The following BMPR1B variants were observed in gnomAD, a reference collection of about 807,000 sequenced individuals.
BMPR1B encodes the protein bone morphogenetic protein receptor type-1B.
In BMPR1B, 12 loss-of-function variants were observed where a neutral mutation model predicts 59.1. That is an observed-to-expected ratio of 0.20 (90% confidence interval 0.13 to 0.33). BMPR1B has a LOEUF of 0.33. Among genes scored for constraint, BMPR1B ranks in the 10% least tolerant of loss-of-function variants. BMPR1B has a pLI of 1.00. For synonymous variants in BMPR1B, 237 were observed against 207.3 expected, an observed-to-expected ratio of 1.14 and a Z score of -1.23; for missense variants, 550 against 610.9, an observed-to-expected ratio of 0.90 and a Z score of 1.05.
intron 3 of BMPR1B, among the ~76,000 whole-genome samples, chr4:95,014,758 T>C (rs912737211): frequency 6.6e-5 from 10 of 152,200 alleles, no homozygotes; most frequent in African/African-American, 2.4e-4. Context: ...ATTTTTACTA[T>C]GAGGGTTAAT....
chr4:95,060,549 G>A (rs1425541030), intron 3 of BMPR1B, among the ~76,000 whole-genome samples: 5 of 152,200 alleles, frequency 3.3e-5, no homozygotes, highest in South Asian at 2.1e-4. Context: ...CTGCAAGAGT[G>A]AAATGAAGTA....
intron 3 of BMPR1B, among the ~76,000 whole-genome samples, chr4:95,034,037 C>T (rs1391278706): frequency 1.3e-5 from 2 of 152,052 alleles, no homozygotes; most frequent in East Asian, 3.9e-4. Context: ...AGACATCAAC[C>T]ATGATTAATT....
At chr4:94,776,785 G>A (rs62316516) in intron 1 of BMPR1B, among the ~76,000 whole-genome samples, 251 of 152,080 alleles carry the variant, frequency 1.7e-3, no homozygotes, top group Non-Finnish European at 3.0e-3. Context: ...ACATGAATAC[G>A]CGTTCAATGG....
intron 4 of BMPR1B, among the ~76,000 whole-genome samples, chr4:95,106,244 AG>A (rs1423827404): frequency 6.6e-6 from 1 of 151,940 alleles, no homozygotes; most frequent in Non-Finnish European, 1.5e-5. Context: ...CTTATTCCTA[AG>A]GGTGTTGGGA....
intron 1 of BMPR1B, among the ~76,000 whole-genome samples, chr4:94,759,660 T>G (rs2110552810): frequency 6.6e-6 from 1 of 152,354 alleles, no homozygotes; most frequent in South Asian, 2.1e-4. Flanking sequence ...GAATTATTTC[T>G]AGCTGTAAAG....
intron 1 of BMPR1B, among the ~76,000 whole-genome samples, chr4:94,777,703 A>G (rs1722429540): frequency 6.6e-6 from 1 of 152,128 alleles, no homozygotes; most frequent in African/African-American, 2.4e-5. Flanking sequence ...AGGTTGTCTG[A>G]TTCCTGCTCT....
intron 3 of BMPR1B, among the ~76,000 whole-genome samples, chr4:94,997,501 A>C (rs887236894): frequency 6.6e-6 from 1 of 152,224 alleles, no homozygotes; most frequent in African/African-American, 2.4e-5. Flanking sequence ...ATAACTTTTC[A>C]AATGATGCAA....
At position 95,068,511 on chromosome 4, in the gene BMPR1B, AC is replaced by A. The variant is rs529012730; in HGVS notation, c.-17-35894del. The stretch of plus-strand genomic sequence containing the variant: ...CTCATCTCCTGGCCTCCTGTCATGG[AC>A]CCTCTTTGATGCAGCACATGGGATG... On this transcript the variant is annotated intron_variant, in intron 3 of 12. Transcript: ENST00000515059. 2.1e-4 allele frequency among the ~76,000 whole-genome samples: 32 copies of A among 151,978 alleles called. No individual in the cohort carries two copies. In the East Asian group the frequency reaches 6.2e-3, roughly 30 times the overall value.
chr4:94,775,459 A>G (rs1043781821), intron 1 of BMPR1B, among the ~76,000 whole-genome samples: 1 of 152,234 alleles, frequency 6.6e-6, no homozygotes, highest in Non-Finnish European at 1.5e-5. Context: ...CTTTAGCAAC[A>G]AAGTTGTTTC....
chr4:94,872,077 G>A (rs1250119612), intron 1 of BMPR1B, among the ~76,000 whole-genome samples: 1 of 151,980 alleles, frequency 6.6e-6, no homozygotes, highest in African/African-American at 2.4e-5. Flanking sequence ...TTAAGCTGTG[G>A]TGCTCTTGTG....
At chr4:94,940,952 A>C (rs982443942) in intron 2 of BMPR1B, among the ~76,000 whole-genome samples, 2 of 152,074 alleles carry the variant, frequency 1.3e-5, no homozygotes, top group Non-Finnish European at 2.9e-5. Context: ...ATAAGGTTGA[A>C]GGACATTCTT....
At position 95,131,282 on chromosome 4, in the gene BMPR1B, T is replaced by A. The variant is rs371779248; in HGVS notation, c.846T>A (p.His282Gln). The change falls in exon 10 of 13, where the codon CAT becomes CAA. Residue 282 changes from histidine to glutamine, a missense_variant. Around this residue, in one of 6 missense-constraint regions of BMPR1B, gnomAD observed 318 missense variants for 284.6 expected, o/e 1.12. Coordinates refer to ENST00000515059, the MANE Select transcript of BMPR1B (RefSeq NM_001203.3). ...AGTTGTACCTAATCACAGACTATCATGAAAATGGTTCCCTTTATGATTATC... is the reference window on the plus strand; with the variant it reads ...AGTTGTACCTAATCACAGACTATCAAGAAAATGGTTCCCTTTATGATTATC... Reference protein sequence around the residue: ...WTQLYLITDYHENGSLYDYLK... With the variant: ...WTQLYLITDYQENGSLYDYLK... 3 of 1,613,976 alleles carry A rather than the reference T, an allele frequency of 1.9e-6. No homozygotes were observed. Among genetic ancestry groups the A allele is most frequent in the Non-Finnish European group, 2.5e-6 (3 of 1,179,960 alleles).
chr4:94,916,909 ACCTGCTGC>A (rs1728502446), intron 2 of BMPR1B, among the ~76,000 whole-genome samples: 1 of 152,188 alleles, frequency 6.6e-6, no homozygotes, highest in East Asian at 1.9e-4. Context: ...AGGCCCAGGG[ACCTGCTGC>A]CCTGTGCAGC....
At chr4:94,903,290 GTTAGT>G (rs1727902003) in intron 2 of BMPR1B, among the ~76,000 whole-genome samples, 1 of 151,890 alleles carries the variant, frequency 6.6e-6, no homozygotes, top group Non-Finnish European at 1.5e-5. Flanking sequence ...CCGAGTCCCA[GTTAGT>G]TTAGTTAAGT....
At chr4:94,955,634 A>ATCCTTTT in intron 2 of BMPR1B, among the ~76,000 whole-genome samples, 1 of 81,716 alleles carries the variant, frequency 1.2e-5, no homozygotes, top group African/African-American at 5.8e-5. Flanking sequence ...AGCACATTTA[A>ATCCTTTT]TTCTTTTTTT....
At position 95,154,541 on chromosome 4, in the gene BMPR1B, T is replaced by C; in HGVS notation, c.1384-7T>C. 1 of 1,614,082 alleles carries C rather than the reference T, an allele frequency of 6.2e-7. No homozygotes were observed. Among genetic ancestry groups the C allele is most frequent in the Non-Finnish European group, 8.5e-7 (1 of 1,179,954 alleles). On this transcript the variant is annotated splice_polypyrimidine_tract_variant and splice_region_variant and intron_variant, in intron 12 of 12. Coordinates refer to ENST00000515059, the MANE Select transcript of BMPR1B (RefSeq NM_001203.3). ...TGATACATTTTTCTAACATTTCTCT[T>C]CCTCAGTGTCTAAGGCAGATGGGAA... is the stretch of plus-strand genomic sequence containing the variant.
intron 1 of BMPR1B, among the ~76,000 whole-genome samples, chr4:94,779,715 C>T (rs34752274): frequency 0.32 from 48,189 of 151,684 alleles, 8,341 homozygotes; most frequent in African/African-American, 0.46. Context: ...GCCTGTAGTC[C>T]GAGCTACTCA....
At chr4:95,066,568 A>G (rs1430022091) in intron 3 of BMPR1B, among the ~76,000 whole-genome samples, 1 of 152,212 alleles carries the variant, frequency 6.6e-6, no homozygotes, top group African/African-American at 2.4e-5. Flanking sequence ...AGCGATTGGA[A>G]TAGTTTAAGC....
intron 3 of BMPR1B, among the ~76,000 whole-genome samples, chr4:95,016,566 T>C (rs979766033): frequency 1.4e-4 from 21 of 152,256 alleles, no homozygotes; most frequent in African/African-American, 4.6e-4. Context: ...ATATTGCAGG[T>C]ATTTTGAATT....
Sources: gnomAD v4.1 joint callset for allele counts (sites outside exome capture counted in the v4.1 genomes callset) on GRCh38, gnomAD v4.1.1 for gene constraint, gnomAD v4.1.1 regional missense constraint, MANE v1.5 for transcripts, NCBI Gene and HGNC (gene_info 2026-07-23, HGNC 2026-07-21) for gene names.